MTHFS: variants seen among roughly 807,000 people sequenced by gnomAD.
MTHFS encodes methenyltetrahydrofolate synthetase.
A neutral mutation model predicts 12.7 loss-of-function variants in MTHFS; 7 were observed. The observed-to-expected ratio is 0.55, with a 90% CI of 0.31 to 1.03. MTHFS has a LOEUF of 1.03. MTHFS is among the 50% of genes least tolerant of loss of function. MTHFS has a pLI of 0.05. For synonymous variants in MTHFS, 100 were observed against 97.1 expected (o/e 1.03, Z -0.18); for missense variants, 252 against 258.1 (o/e 0.98, Z 0.16).
chr15:79,846,217 G>C (rs2033612625), intron 2 of MTHFS, among the ~76,000 whole-genome samples: 1 of 152,174 alleles, frequency 6.6e-6, no homozygotes, highest in African/African-American at 2.4e-5. Context: ...AAGGTCACTA[G>C]GTGAAGAACC....
At chr15:79,867,258 G>T (rs2034027272) in intron 2 of MTHFS, among the ~76,000 whole-genome samples, 1 of 151,518 alleles carries the variant, frequency 6.6e-6, no homozygotes, top group Admixed American at 6.6e-5. Context: ...TATAAATGAA[G>T]AACAATTCTT....
At chr15:79,857,015 G>C (rs1273298191) in intron 2 of MTHFS, among the ~76,000 whole-genome samples, 1 of 138,668 alleles carries the variant, frequency 7.2e-6, no homozygotes, top group Admixed American at 7.2e-5. Context: ...TTTTTTTTGA[G>C]ACAGAGTTTC....
Position 79,845,381 on chromosome 15 carries a change from C to T in MTHFS, c.441G>A (p.Gly147=), listed in dbSNP as rs1433445857. The change falls in exon 3 of 3, where the codon GGG becomes GGA. Residue 147 remains glycine, a synonymous_variant. Transcript: ENST00000258874. ...AGGCATCATAGTAGCCCTTGCCCCT[C>T]CCCAGTCGGTTGCCATGTTTGTCAA... ...LGFDKHGNRL[G]RGKGYYDAYL... 1 of 1,614,056 alleles carries T rather than the reference C, an allele frequency of 6.2e-7. No individual in the cohort carries two copies. The highest frequency in any genetic ancestry group is 1.3e-5 in the African/African-American group (1 of 74,914).
intron 2 of MTHFS, 124 bp from the exon 3 acceptor site, chr15:79,845,566 TAATATCCA>T (rs1348565789): frequency 9.9e-6 from 13 of 1,318,406 alleles, no homozygotes; most frequent in Non-Finnish European, 1.3e-5. Flanking sequence ...GTGTGACCAT[TAATATCCA>T]AAAAGCACAG....
intron 2 of MTHFS, among the ~76,000 whole-genome samples, chr15:79,856,780 A>AAAAG (rs139372972): frequency 3.9e-5 from 6 of 152,208 alleles, no homozygotes; most frequent in Non-Finnish European, 7.4e-5. Flanking sequence ...CCACAACAAA[A>AAAAG]AAAGAAAGAA....
At position 79,881,674 on chromosome 15, in the gene MTHFS, T is replaced by C. The variant is rs79015627; in HGVS notation, c.379+7419A>G. Among the ~76,000 whole-genome samples, 267 of 152,324 alleles carry C rather than the reference T, an allele frequency of 1.8e-3. 6 individuals are homozygous for C. In the East Asian group the frequency reaches 0.04, roughly 23 times the overall value. On this transcript the variant is annotated intron_variant, in intron 2 of 2. Coordinates refer to ENST00000258874, the MANE Select transcript of MTHFS (RefSeq NM_006441.4). ...TTGGGAAAATATGACAATGTTCCCA[T>C]GCATACAGTTACCAAGGGTACCTGT...
At chr15:79,847,704 A>ATTT (rs1259919369) in intron 2 of MTHFS, among the ~76,000 whole-genome samples, 3 of 150,734 alleles carry the variant, frequency 2.0e-5, no homozygotes, top group African/African-American at 7.3e-5. Flanking sequence ...TTAAACAGAC[A>ATTT]TTTGTCCAAA....
intron 2 of MTHFS, among the ~76,000 whole-genome samples, chr15:79,870,450 T>A (rs1313957207): frequency 6.6e-6 from 1 of 152,096 alleles, no homozygotes; most frequent in Non-Finnish European, 1.5e-5. Flanking sequence ...GAATTCTGGG[T>A]GGACAAAAGA....
At chr15:79,889,432 T>A in intron 1 of MTHFS, 78 bp from the exon 2 acceptor site, 2 of 983,924 alleles carry the variant, frequency 2.0e-6, no homozygotes, top group Non-Finnish European at 2.8e-6. Context: ...CCTTTCTCTC[T>A]CAGCCTTCTC....
rs774321577 is a variant in MTHFS at position 79,845,184 on chromosome 15, G to A, written c.*26C>T. Reference sequence around the variant, plus strand: ...TTGCTTTACTCTCATATAAAACACTGATTATTTGGCTGTAGTAATCCAGAT... The same window carrying A: ...TTGCTTTACTCTCATATAAAACACTAATTATTTGGCTGTAGTAATCCAGAT... On this transcript the variant is annotated 3_prime_UTR_variant, in exon 3 of 3. Transcript: ENST00000258874. 2.0e-5 allele frequency: 33 copies of A among 1,612,872 alleles called. No individual in the cohort carries two copies. Among genetic ancestry groups the A allele is most frequent in the Admixed American group, 5.0e-5 (3 of 59,922 alleles).
chr15:79,887,066 C>T lies in MTHFS; in HGVS notation c.379+2027G>A, dbSNP rs186679505. On this transcript the variant is annotated intron_variant, in intron 2 of 2. Coordinates refer to ENST00000258874, the MANE Select transcript of MTHFS (RefSeq NM_006441.4). ...CCTGATCAACATGGTGAAACCCCAT[C>T]TCTATTAAAAATACAAAATTAGCCA... Among the ~76,000 whole-genome samples, 9 of 152,254 alleles carry T rather than the reference C, an allele frequency of 5.9e-5. No homozygotes were observed. In the East Asian group the frequency reaches 1.5e-3, roughly 26 times the overall value.
At position 79,894,601 on chromosome 15, in the gene MTHFS, T is replaced by G. The variant is rs16971513; in HGVS notation, c.117+2271A>C. 0.019 allele frequency among the ~76,000 whole-genome samples: 2,897 copies of G among 152,290 alleles called. 169 individuals carry two copies. The East Asian group carries it at 0.21, about 11-fold the overall frequency. ...TATGTAAACTATTTCCATCTATAGT[T>G]TATGAATTCTAATCTTCTACGGAGA... On this transcript the variant is annotated intron_variant, in intron 1 of 2. Coordinates refer to ENST00000258874, the MANE Select transcript of MTHFS (RefSeq NM_006441.4).
rs772098940 is a variant in MTHFS, at chr15:79,889,269, A to C, written c.203T>G (p.Ile68Ser). Residue 68 changes from isoleucine (I) to serine (S), a missense_variant, in exon 2 of 3, where the codon ATC becomes AGC. Transcript: ENST00000258874. ...MQDEIETEEI[I>S]KDIFQRGKIC... ...TTTGCCTCGTTGGAAAATGTCCTTG[A>C]TGATCTCTTCTGTCTCAATTTCATC... 29 of 1,614,170 alleles carry C rather than the reference A, an allele frequency of 1.8e-5. No individual in the cohort carries two copies. Among genetic ancestry groups the C allele is most frequent in the Non-Finnish European group, 2.5e-5 (29 of 1,180,028 alleles).
At chr15:79,845,590 G>T in intron 2 of MTHFS, 148 bp from the exon 3 acceptor site, 4 of 1,133,390 alleles carry the variant, frequency 3.5e-6, no homozygotes, top group Non-Finnish European at 2.4e-6. Flanking sequence ...CACAGAGTTG[G>T]ACAAAAAAGG....
At chr15:79,889,590 C>G (rs1240344659) in intron 1 of MTHFS, among the ~76,000 whole-genome samples, 2 of 152,178 alleles carry the variant, frequency 1.3e-5, no homozygotes, top group South Asian at 2.1e-4. Context: ...TACACCCACT[C>G]TGGTAGGTGT....
intron 2 of MTHFS, among the ~76,000 whole-genome samples, chr15:79,856,827 G>C (rs548858161): frequency 6.6e-6 from 1 of 152,232 alleles, no homozygotes; most frequent in East Asian, 1.9e-4. Context: ...GAAGAGTCTA[G>C]AGGGCAGTCC....
chr15:79,869,743 G>T (rs920564814), intron 2 of MTHFS, among the ~76,000 whole-genome samples: 1 of 152,066 alleles, frequency 6.6e-6, no homozygotes, highest in Non-Finnish European at 1.5e-5. Context: ...TCACTTAACA[G>T]ATTTTTTTAA....
intron 2 of MTHFS, among the ~76,000 whole-genome samples, chr15:79,865,462 C>T (rs2033992760): frequency 2.0e-5 from 3 of 152,186 alleles, no homozygotes; most frequent in African/African-American, 4.8e-5. Context: ...AAATGGCTGC[C>T]TTGGGAAGAG....
rs765898420 is a variant in MTHFS, at chr15:79,845,242, C to T, written c.580G>A (p.Glu194Lys). The T allele has an allele frequency of 3.7e-6, 6 of 1,614,222 alleles. No homozygotes were observed. Among genetic ancestry groups the T allele is most frequent in the Non-Finnish European group, 5.1e-6 (6 of 1,180,040 alleles). ...PVNENDMKVD[E>K]VLYEDSSTA ...GTTGACGAGTCTTCGTAAAGGACTT[C>T]ATCTACCTTCATGTCGTTTTCATTC... The change falls in exon 3 of 3, where the codon GAA becomes AAA. Residue 194 changes from glutamate (E) to lysine (K), a missense_variant. Coordinates refer to ENST00000258874, the MANE Select transcript of MTHFS (RefSeq NM_006441.4).
Sources: allele counts gnomAD v4.1 joint callset (sites outside exome capture counted in the v4.1 genomes callset), GRCh38; gene constraint gnomAD v4.1.1; transcripts MANE v1.5; gene names NCBI Gene and HGNC (gene_info 2026-07-23, HGNC 2026-07-21).